SLCO1B3: variants seen among roughly 807,000 people sequenced by gnomAD.
SLCO1B3 encodes liver-specific organic anion transporter 2.
A neutral mutation model predicts 71.8 loss-of-function variants in SLCO1B3; 72 were observed. The ratio of observed to expected loss-of-function variants is 1.00; its 90% CI spans 0.83 to 1.22. SLCO1B3 has a LOEUF of 1.22. Ranked by LOEUF, SLCO1B3 falls within the 50% of genes most tolerant of loss-of-function variation. The pLI is 0.00. For synonymous variants in SLCO1B3, 298 were observed against 278.4 expected (o/e 1.07, Z -0.70); for missense variants, 911 against 819.7 (o/e 1.11, Z -1.36).
At chr12:20,871,467 T>C (rs1591772444) in intron 8 of SLCO1B3, among the ~76,000 whole-genome samples, 1 of 152,310 alleles carries the variant, frequency 6.6e-6, no homozygotes, top group Admixed American at 6.5e-5. Context: ...TTAGTGCTTA[T>C]GTTATTCATC....
In SLCO1B3 at chr12:20,864,351, T is replaced by C. The variant is rs74443243; in HGVS notation, c.727+1497T>C. ...TGACAGAATCGTGTCTGTGTTAGCA[T>C]ATAATAACTCATCAGGGTTTGTGAA... is the stretch of plus-strand genomic sequence containing the variant. On this transcript the variant is annotated intron_variant, in intron 8 of 15. Coordinates refer to ENST00000381545, the MANE Select transcript of SLCO1B3 (RefSeq NM_019844.4). Among the ~76,000 whole-genome samples the C allele has an allele frequency of 2.6e-5, 4 of 152,270 alleles. No homozygotes were observed. The East Asian group carries it at 5.8e-4, about 22-fold the overall frequency.
intron 3 of SLCO1B3, among the ~76,000 whole-genome samples, chr12:20,840,243 T>C (rs1006508477): frequency 2.6e-5 from 4 of 152,162 alleles, no homozygotes; most frequent in African/African-American, 9.7e-5. Context: ...GGAGGATGTA[T>C]TGGATAAAAA....
intron 8 of SLCO1B3, among the ~76,000 whole-genome samples, chr12:20,874,189 G>GT (rs909071380): frequency 1.3e-5 from 2 of 152,056 alleles, no homozygotes; most frequent in African/African-American, 2.4e-5. Flanking sequence ...CACATTTTTT[G>GT]TTTTTTTCTT....
intron 3 of SLCO1B3, among the ~76,000 whole-genome samples, chr12:20,837,606 C>T (rs1373737820): frequency 6.6e-6 from 1 of 152,094 alleles, no homozygotes; most frequent in Non-Finnish European, 1.5e-5. Flanking sequence ...TTAGTCTCTA[C>T]ATATTTGGGG....
At chr12:20,854,793 A>G (rs570449897) in intron 3 of SLCO1B3, among the ~76,000 whole-genome samples, 2 of 152,352 alleles carry the variant, frequency 1.3e-5, no homozygotes, top group African/African-American at 4.8e-5. Context: ...AGCAACCTTA[A>G]CTATACTCCT....
At chr12:20,817,367 T>G (rs143299110) in intron 3 of SLCO1B3, among the ~76,000 whole-genome samples, 4 of 152,206 alleles carry the variant, frequency 2.6e-5, no homozygotes, top group African/African-American at 9.6e-5. Context: ...TTTAGTTCAT[T>G]TTGATTTGTT....
intron 8 of SLCO1B3, among the ~76,000 whole-genome samples, chr12:20,866,032 A>G (rs1326094714): frequency 6.6e-6 from 1 of 152,104 alleles, no homozygotes; most frequent in African/African-American, 2.4e-5. Flanking sequence ...CCAGTAAGTG[A>G]TGAATCACAG....
chr12:20,873,790 G>T (rs914230004), intron 8 of SLCO1B3, among the ~76,000 whole-genome samples: 1 of 152,092 alleles, frequency 6.6e-6, no homozygotes, highest in African/African-American at 2.4e-5. Flanking sequence ...GCCCCAGTGT[G>T]TATTGTTCCC....
At chr12:20,821,275 A>G (rs1178205076) in intron 3 of SLCO1B3, among the ~76,000 whole-genome samples, 1 of 152,184 alleles carries the variant, frequency 6.6e-6, no homozygotes, top group African/African-American at 2.4e-5. Context: ...GTCTTGTAGG[A>G]TGGAAAAATT....
chr12:20,821,259 A>G lies in SLCO1B3; in HGVS notation c.84+5437A>G, dbSNP rs1864298686. The stretch of plus-strand genomic sequence containing the variant: ...ATTTGCCCGTTTTACGACAAGAATT[A>G]TTTAGGTCTTGTAGGATGGAAAAAT... On this transcript the variant is annotated intron_variant, in intron 3 of 15. Transcript: ENST00000381545. Among the ~76,000 whole-genome samples, 3 of 152,150 alleles carry G rather than the reference A, an allele frequency of 2.0e-5. No individual in the cohort carries two copies. In the South Asian group the frequency reaches 6.2e-4, roughly 32 times the overall value.
intron 12 of SLCO1B3, among the ~76,000 whole-genome samples, chr12:20,882,399 A>G (rs941967343): frequency 2.0e-5 from 3 of 152,066 alleles, no homozygotes; most frequent in African/African-American, 7.2e-5. Context: ...ACGAGTATGG[A>G]TTTAAATTCT....
chr12:20,816,903 T>C (rs768804729), intron 3 of SLCO1B3, among the ~76,000 whole-genome samples: 4 of 152,186 alleles, frequency 2.6e-5, no homozygotes, highest in Non-Finnish European at 4.4e-5. Context: ...TAACTGGGGG[T>C]GAGATAGCAT....
intron 4 of SLCO1B3, among the ~76,000 whole-genome samples, chr12:20,856,180 A>G (rs1411645062): frequency 2.6e-5 from 4 of 152,204 alleles, no homozygotes; most frequent in African/African-American, 7.2e-5. Flanking sequence ...TTATTATGAA[A>G]TTAATCCTTA....
chr12:20,896,864 G>C (rs1406165549), intron 13 of SLCO1B3, among the ~76,000 whole-genome samples: 1 of 152,160 alleles, frequency 6.6e-6, no homozygotes, highest in East Asian at 1.9e-4. Flanking sequence ...CATGTGGCTG[G>C]GGAAACCTCA....
intron 3 of SLCO1B3, among the ~76,000 whole-genome samples, chr12:20,827,686 C>T (rs1490371969): frequency 6.6e-6 from 1 of 152,036 alleles, no homozygotes; most frequent in Non-Finnish European, 1.5e-5. Flanking sequence ...ATTCTTCTGC[C>T]GCAGCCTCCC....
At chr12:20,860,339 C>G (rs1047640403) in intron 5 of SLCO1B3, among the ~76,000 whole-genome samples, 1 of 152,090 alleles carries the variant, frequency 6.6e-6, no homozygotes, top group Non-Finnish European at 1.5e-5. Flanking sequence ...ACACATTTAT[C>G]TTAGAGAGTG....
Position 20,813,559 on chromosome 12 carries a change from G to C in SLCO1B3, c.-145G>C, listed in dbSNP as rs1184025537. The C allele has an allele frequency of 2.0e-5, 3 of 152,104 alleles. No homozygotes were observed. Among genetic ancestry groups the C allele is most frequent in the Non-Finnish European group, 2.9e-5 (2 of 68,022 alleles). The allele number at this position is 152,104 out of a possible 1,614,324, so 9.4% of individuals were successfully genotyped here. On this transcript the variant is annotated 5_prime_UTR_variant, in exon 2 of 16. An upstream start codon of the reference 5' UTR is lost. Coordinates refer to ENST00000381545, the MANE Select transcript of SLCO1B3 (RefSeq NM_019844.4). ...CGATGCTGAGTTTACTGTTTTAAAT[G>C]GACTTCAAGCATAGCCCTGAAGTGT...
intron 13 of SLCO1B3, among the ~76,000 whole-genome samples, chr12:20,885,435 G>C (rs1865775059): frequency 6.6e-6 from 1 of 151,970 alleles, no homozygotes; most frequent in African/African-American, 2.4e-5. Context: ...TAGGGTACAG[G>C]GAGTGGATAT....
chr12:20,817,553 T>G (rs2121075534), intron 3 of SLCO1B3, among the ~76,000 whole-genome samples: 2 of 152,294 alleles, frequency 1.3e-5, no homozygotes, highest in South Asian at 2.1e-4. Flanking sequence ...TCTGTTTATA[T>G]GCCAGTACCA....
Sources: gnomAD v4.1 joint callset for allele counts (sites outside exome capture counted in the v4.1 genomes callset) on GRCh38, gnomAD v4.1.1 for gene constraint, MANE v1.5 for transcripts, NCBI Gene and HGNC (gene_info 2026-07-23, HGNC 2026-07-21) for gene names.